The following ANXA2 variants were observed in gnomAD, a reference collection of about 807,000 sequenced individuals.
The protein encoded by ANXA2 is annexin II.
In ANXA2, 28 loss-of-function variants were observed where a neutral mutation model predicts 47.3. The observed-to-expected ratio is 0.59, with a 90% CI of 0.44 to 0.81. The LOEUF is 0.81. Among genes scored for constraint, ANXA2 ranks in the 40% least tolerant of loss-of-function variants. The pLI, the probability that ANXA2 is intolerant of heterozygous loss-of-function variation, is 0.00. For missense variants in ANXA2, 384 were observed against 414.3 expected (o/e 0.93, Z 0.64); for synonymous variants, 172 against 155.5 (o/e 1.11, Z -0.79).
intron 1 of ANXA2, among the ~76,000 whole-genome samples, chr15:60,387,442 C>A (rs1408439380): frequency 6.6e-6 from 1 of 152,140 alleles, no homozygotes; most frequent in East Asian, 1.9e-4. Context: ...TACATTCAGA[C>A]ATGGAATATT....
chr15:60,376,296 C>A (rs1243635504), intron 3 of ANXA2, among the ~76,000 whole-genome samples: 1 of 151,902 alleles, frequency 6.6e-6, no homozygotes, highest in Non-Finnish European at 1.5e-5. Context: ...GTAGGAGAAT[C>A]GCTTGAACCC....
At chr15:60,363,212 G>T (rs977431118) in intron 4 of ANXA2, among the ~76,000 whole-genome samples, 2 of 152,074 alleles carry the variant, frequency 1.3e-5, no homozygotes, top group African/African-American at 4.8e-5. Context: ...ACCCCTTTGG[G>T]AAGCTGCAGA....
At chr15:60,367,125 G>A (rs2062630100) in intron 3 of ANXA2, among the ~76,000 whole-genome samples, 2 of 78,174 alleles carry the variant, frequency 2.6e-5, no homozygotes, top group Non-Finnish European at 5.2e-5. Context: ...AGGTGGGGGG[G>A]TCAGCCCCCC....
chr15:60,365,169 ATTTT>A (rs2062577884), intron 3 of ANXA2, among the ~76,000 whole-genome samples: 3 of 151,584 alleles, frequency 2.0e-5, no homozygotes, highest in African/African-American at 7.3e-5. Context: ...TTAATAATTA[ATTTT>A]ATAACTTTAT....
At chr15:60,376,500 G>A (rs2062781049) in intron 3 of ANXA2, among the ~76,000 whole-genome samples, 1 of 152,164 alleles carries the variant, frequency 6.6e-6, no homozygotes, top group South Asian at 2.1e-4. Context: ...AGTGAGCCAG[G>A]ACAGGTATTT....
chr15:60,377,767 T>C (rs573976755), intron 3 of ANXA2, among the ~76,000 whole-genome samples: 11 of 152,272 alleles, frequency 7.2e-5, no homozygotes, highest in Admixed American at 5.2e-4. Flanking sequence ...CCATTGCTAA[T>C]GCCTTTTATT....
At chr15:60,350,945 G>A (rs750756491) in intron 11 of ANXA2, among the ~76,000 whole-genome samples, 17 of 152,144 alleles carry the variant, frequency 1.1e-4, no homozygotes, top group Non-Finnish European at 1.8e-4. Flanking sequence ...CTACCATGTC[G>A]CATTTTCTCT....
At chr15:60,361,989 G>A (rs2140831352) in intron 4 of ANXA2, among the ~76,000 whole-genome samples, 1 of 151,786 alleles carries the variant, frequency 6.6e-6, no homozygotes, top group East Asian at 1.9e-4. Context: ...GCCCCTACAG[G>A]TACTTGCAGG....
rs1017370114 is a variant in ANXA2 at position 60,359,981 on chromosome 15, G to T, written c.357+960C>A. 3.3e-5 allele frequency among the ~76,000 whole-genome samples: 5 copies of T among 152,338 alleles called. 1 individual carries two copies. The South Asian group carries it at 1.0e-3, about 32-fold the overall frequency. ...TTATATAAAACTTGATGTTGGCCAG[G>T]CGCGGTGGCTCACGCCTGTAATCCT... On this transcript the variant is annotated intron_variant, in intron 5 of 12. Coordinates refer to ENST00000451270, the MANE Select transcript of ANXA2 (RefSeq NM_004039.3).
intron 3 of ANXA2, among the ~76,000 whole-genome samples, chr15:60,375,902 G>A (rs890180676): frequency 1.3e-5 from 2 of 152,212 alleles, no homozygotes; most frequent in Non-Finnish European, 2.9e-5. Flanking sequence ...TTGATGCTGT[G>A]CACTGGCCCA....
intron 3 of ANXA2, among the ~76,000 whole-genome samples, chr15:60,380,804 CAAAAAAAAAA>C (rs61570476): frequency 4.9e-5 from 3 of 61,194 alleles, no homozygotes; most frequent in African/African-American, 1.9e-4. Context: ...AACTCCATCT[CAAAAAAAAAA>C]AAAAAAAAAA....
In ANXA2 at chr15:60,379,108, G is replaced by A. The variant is rs534983507; in HGVS notation, c.148+3234C>T. 2.0e-4 allele frequency among the ~76,000 whole-genome samples: 31 copies of A among 151,926 alleles called. No individual in the cohort carries two copies. In the South Asian group the frequency reaches 2.7e-3, roughly 13 times the overall value. ...AGCCTGCCCAAGATGGTGAAACCCC[G>A]TCTCTACTAAAAATACAAAAATTAA... On this transcript the variant is annotated intron_variant, in intron 3 of 12. Transcript: ENST00000451270.
At chr15:60,376,330 G>A (rs1056379545) in intron 3 of ANXA2, among the ~76,000 whole-genome samples, 2 of 151,728 alleles carry the variant, frequency 1.3e-5, no homozygotes, top group Non-Finnish European at 2.9e-5. Flanking sequence ...GCAGTGAGCC[G>A]ACATTGTGCA....
At position 60,379,104 on chromosome 15, in the gene ANXA2, C is replaced by G. The variant is rs1018841365; in HGVS notation, c.148+3238G>C. The stretch of plus-strand genomic sequence containing the variant: ...GACCAGCCTGCCCAAGATGGTGAAA[C>G]CCCGTCTCTACTAAAAATACAAAAA... On this transcript the variant is annotated intron_variant, in intron 3 of 12. Transcript: ENST00000451270. Among the ~76,000 whole-genome samples, 3 of 152,124 alleles carry G rather than the reference C, an allele frequency of 2.0e-5. No individual in the cohort carries two copies. In the East Asian group the frequency reaches 5.8e-4, roughly 29 times the overall value.
chr15:60,360,205 G>C (rs1204679084), intron 5 of ANXA2, among the ~76,000 whole-genome samples: 1 of 152,202 alleles, frequency 6.6e-6, no homozygotes, highest in Non-Finnish European at 1.5e-5. Context: ...GCAGTGAACT[G>C]AGATCGCGCC....
rs1250997264 is a variant in ANXA2 at position 60,352,231 on chromosome 15, G to A, written c.682+152C>T. 1 of 580,460 alleles carries A rather than the reference G, an allele frequency of 1.7e-6. No homozygotes were observed. Among genetic ancestry groups the A allele is most frequent in the Non-Finnish European group, 3.1e-6 (1 of 324,794 alleles). 36.0% of individuals were successfully genotyped at this position (580,460 alleles called of 1,614,324 possible). On this transcript the variant is annotated intron_variant, in intron 9 of 12. Transcript: ENST00000451270. This position sits in a 1 kb window ranked among gnomAD's most constrained non-coding sequence, Gnocchi z 4.2. ...TTGCAAGAGAAAAGAATCCAGAATG[G>A]GAGAGAAAGGTGAGGGAAAATGGGT... is the stretch of plus-strand genomic sequence containing the variant.
intron 3 of ANXA2, among the ~76,000 whole-genome samples, chr15:60,369,585 C>T (rs1454865277): frequency 6.6e-6 from 1 of 152,234 alleles, no homozygotes. Flanking sequence ...GAATGTGGTT[C>T]TTGGCCCCAC....
chr15:60,392,023 CA>C (rs2063018461), intron 1 of ANXA2, among the ~76,000 whole-genome samples: 1 of 152,112 alleles, frequency 6.6e-6, no homozygotes, highest in Non-Finnish European at 1.5e-5. Context: ...GACCCTTTAT[CA>C]GAGAACGTTT....
chr15:60,361,351 G>A, intron 4 of ANXA2: 1 of 354,594 alleles, frequency 2.8e-6, no homozygotes, highest in Non-Finnish European at 5.4e-6. Context: ...TGAGAGTGCA[G>A]GCACTTTGCA....
Sources: gnomAD v4.1 joint callset for allele counts (sites outside exome capture counted in the v4.1 genomes callset) on GRCh38, gnomAD v4.1.1 for gene constraint, Gnocchi (gnomAD v3.1) non-coding constraint, MANE v1.5 for transcripts, NCBI Gene and HGNC (gene_info 2026-07-23, HGNC 2026-07-21) for gene names.